MED21: variants seen among roughly 807,000 people sequenced by gnomAD.
MED21 encodes mediator complex subunit 21, also known as mediator of RNA polymerase II transcription subunit 21.
A neutral mutation model predicts 18.2 loss-of-function variants in MED21; 9 were observed. That is an observed-to-expected ratio of 0.49 (90% CI 0.30 to 0.86). MED21 has a LOEUF of 0.86. Ranked by LOEUF, MED21 falls within the 40% of genes least tolerant of loss-of-function variation. The pLI is 0.07. For synonymous variants in MED21, 73 were observed against 60.5 expected (o/e 1.21, Z -0.96); for missense variants, 150 against 170.9 (o/e 0.88, Z 0.68).
At chr12:27,028,046 G>A (rs539233862) in intron 3 of MED21, among the ~76,000 whole-genome samples, 8 of 152,276 alleles carry the variant, frequency 5.3e-5, no homozygotes, top group African/African-American at 1.9e-4. Flanking sequence ...TAGAATAATG[G>A]TGTCTAAACG....
At chr12:27,036,922 G>C (rs1255614829) in intron 2 of MED21, among the ~76,000 whole-genome samples, 1 of 152,160 alleles carries the variant, frequency 6.6e-6, no homozygotes, top group Admixed American at 6.5e-5. Flanking sequence ...GGAGATGTGG[G>C]TTCCTTTTTG....
In MED21 at chr12:27,029,375, T is replaced by G; in HGVS notation, c.*914T>G. The G allele has an allele frequency of 1.0e-6, 1 of 985,400 alleles. No homozygotes were observed. Among genetic ancestry groups the G allele is most frequent in the Non-Finnish European group, 1.2e-6 (1 of 829,886 alleles). 61.0% of individuals were successfully genotyped at this position (985,400 alleles called of 1,614,324 possible). On this transcript the variant is annotated 3_prime_UTR_variant, in exon 4 of 4. Transcript: ENST00000282892. Reference sequence around the variant, plus strand: ...TTTGTGTCAGCATTTTCAACTATGGTTATTCATCCAACCCTTGGATCTCTT... The same window carrying G: ...TTTGTGTCAGCATTTTCAACTATGGGTATTCATCCAACCCTTGGATCTCTT...
At chr12:27,031,561 A>G (rs998664852), downstream of MED21, among the ~76,000 whole-genome samples, 3 of 152,218 alleles carry the variant, frequency 2.0e-5, no homozygotes, top group Non-Finnish European at 4.4e-5. Context: ...TACCTTGGCA[A>G]TGGAAACATT....
Position 27,022,576 on chromosome 12 carries a change from G to T in MED21, c.-4G>T. On this transcript the variant is annotated 5_prime_UTR_variant, in exon 1 of 4. Transcript: ENST00000282892. ...TTTTGGCGTCTGTTTGCTGCGGTAG[G>T]AACATGGCGGATCGGCTCACGCAGC... is the stretch of plus-strand genomic sequence containing the variant. 1 of 1,559,758 alleles carries T rather than the reference G, an allele frequency of 6.4e-7. No homozygotes were observed. Among genetic ancestry groups the T allele is most frequent in the Non-Finnish European group, 8.7e-7 (1 of 1,147,174 alleles).
At chr12:27,023,243 A>C (rs1009637527) in intron 1 of MED21, among the ~76,000 whole-genome samples, 14 of 149,956 alleles carry the variant, frequency 9.3e-5, no homozygotes, top group Non-Finnish European at 1.9e-4. Flanking sequence ...CATCTTTATG[A>C]TAGGAAATCT....
chr12:27,027,313 T>G, intron 2 of MED21, 34 bp from the exon 3 acceptor site: 1 of 1,484,172 alleles, frequency 6.7e-7, no homozygotes, highest in Non-Finnish European at 9.2e-7. Flanking sequence ...CTTGAGGTTT[T>G]CTAATATCCT....
rs1941546647 is a variant in MED21 at position 27,026,513 on chromosome 12, C to T, written c.136C>T (p.Gln46Ter). Residue 46 changes from glutamine (Q) to a stop codon, truncating the protein, a stop_gained, in exon 2 of 4, where the codon CAG becomes TAG. Transcript: ENST00000282892. LOFTEE classifies it high-confidence loss of function. ...TATTCAGACAGCAATTAACAAAGAC[C>T]AGCCAGCTAACCCTACAGAAGGTAA... ...NNIQTAINKD[Q>*]PANPTEEYAQ... 6.2e-7 allele frequency: 1 copy of T among 1,613,238 alleles called. No homozygotes were observed.
Position 27,029,670 on chromosome 12 carries a change from A to G in MED21, c.*1209A>G. 6.1e-6 allele frequency: 6 copies of G among 985,474 alleles called. No individual in the cohort carries two copies. Among genetic ancestry groups the G allele is most frequent in the Non-Finnish European group, 7.2e-6 (6 of 829,940 alleles). The allele number at this position is 985,474 out of a possible 1,614,324, so 61.0% of individuals were successfully genotyped here. On this transcript the variant is annotated 3_prime_UTR_variant, in exon 4 of 4. Coordinates refer to ENST00000282892, the MANE Select transcript of MED21 (RefSeq NM_004264.5). The stretch of plus-strand genomic sequence containing the variant: ...AGCGTTAGCTGTAAAAGTTGCAGCA[A>G]TTTATTGGCTAGTCATAGAAAATTT...
At chr12:27,038,516 A>T (rs950394286) in intron 2 of MED21, 1 of 152,350 alleles carries the variant, frequency 6.6e-6, no homozygotes, top group Non-Finnish European at 1.5e-5. Context: ...TAAGATTCCA[A>T]TTGGGATTTC....
chr12:27,026,708 T>C (rs1941549810), intron 2 of MED21, among the ~76,000 whole-genome samples, 174 bp downstream of exon 2: 1 of 152,236 alleles, frequency 6.6e-6, no homozygotes, highest in African/African-American at 2.4e-5. Context: ...TAACATCTCA[T>C]AATTCTGGTT....
chr12:27,029,243 T>A lies in MED21; in HGVS notation c.*782T>A. On this transcript the variant is annotated 3_prime_UTR_variant, in exon 4 of 4. Coordinates refer to ENST00000282892, the MANE Select transcript of MED21 (RefSeq NM_004264.5). The stretch of plus-strand genomic sequence containing the variant: ...TTATCTGAAGGTTCTTTTGCCCTTA[T>A]TAACCTCTCAACTTTTATTGCTGTA... The A allele has an allele frequency of 1.0e-6, 1 of 985,408 alleles. No homozygotes were observed. Among genetic ancestry groups the A allele is most frequent in the Admixed American group, 6.1e-5 (1 of 16,288 alleles). 61.0% of individuals were successfully genotyped at this position (985,408 alleles called of 1,614,324 possible). A position where few individuals can be genotyped will look rare whatever the true frequency, so the allele number is the denominator to read the frequency against.
rs1455286191 is a variant in MED21 at position 27,029,193 on chromosome 12, T to A, written c.*732T>A. 1.1e-4 allele frequency: 107 copies of A among 985,304 alleles called. No individual in the cohort carries two copies. Among genetic ancestry groups the A allele is most frequent in the Non-Finnish European group, 1.3e-4 (105 of 829,910 alleles). The allele number at this position is 985,304 out of a possible 1,614,324, so 61.0% of individuals were successfully genotyped here. On this transcript the variant is annotated 3_prime_UTR_variant, in exon 4 of 4. Transcript: ENST00000282892. ...ATCACAATGAAGTATGTTTTTTGAA[T>A]CATCAATTCTTTCTCATTCTCCATT...
intron 2 of MED21, chr12:27,037,606 A>G (rs1205289286): frequency 6.6e-6 from 1 of 152,208 alleles, no homozygotes; most frequent in Non-Finnish European, 1.5e-5. Context: ...TAACAATTGC[A>G]TATATCACAA....
chr12:27,028,713 A>G lies in MED21; in HGVS notation c.*252A>G. On this transcript the variant is annotated 3_prime_UTR_variant, in exon 4 of 4. Coordinates refer to ENST00000282892, the MANE Select transcript of MED21 (RefSeq NM_004264.5). ...AAATTATTAAGGCATGTAATACATT[A>G]ATGAACATAATATAAGGAAACATAT... 2 of 1,131,764 alleles carry G rather than the reference A, an allele frequency of 1.8e-6. No homozygotes were observed. The highest frequency in any genetic ancestry group is 2.2e-6 in the Non-Finnish European group (2 of 919,096). 70.1% of individuals were successfully genotyped at this position (1,131,764 alleles called of 1,614,324 possible). A position where few individuals can be genotyped will look rare whatever the true frequency, so the allele number is the denominator to read the frequency against.
chr12:27,031,108 T>C (rs7957571), downstream of MED21, among the ~76,000 whole-genome samples: 61,054 of 151,920 alleles, frequency 0.4, 13,292 homozygotes, highest in East Asian at 0.87. Flanking sequence ...GGTTTCTCCA[T>C]GTTGGTCAGG....
rs1941484783 is a variant in MED21, at chr12:27,022,597, G to C, written c.18G>C (p.Thr6=). The C allele has an allele frequency of 1.3e-6, 2 of 1,578,978 alleles. No homozygotes were observed. The highest frequency in any genetic ancestry group is 1.1e-5 in the South Asian group (1 of 89,424). Residue 6 remains threonine (T), a synonymous_variant, in exon 1 of 4, where the codon ACG becomes ACC. Transcript: ENST00000282892. MADRL[T]QLQDAVNSLA... is the part of the protein sequence containing the mutation. ...GTAGGAACATGGCGGATCGGCTCAC[G>C]CAGCTTCAGGACGCTGTGAATTCGG...
At chr12:27,031,308 T>A (rs1029645355), downstream of MED21, among the ~76,000 whole-genome samples, 3 of 152,194 alleles carry the variant, frequency 2.0e-5, no homozygotes, top group African/African-American at 7.2e-5. Flanking sequence ...ATGATTTTTT[T>A]TAAAGCCTTA....
Position 27,030,646 on chromosome 12 carries a change from A to T in MED21, c.*2185A>T, listed in dbSNP as rs1471987101. 1 of 153,298 alleles carries T rather than the reference A, an allele frequency of 6.5e-6. No individual in the cohort carries two copies. Among genetic ancestry groups the T allele is most frequent in the African/African-American group, 2.4e-5 (1 of 41,518 alleles). 9.5% of individuals were successfully genotyped at this position (153,298 alleles called of 1,614,324 possible). On this transcript the variant is annotated 3_prime_UTR_variant, in exon 4 of 4. Transcript: ENST00000282892. ...AACTGGATAAGAAGCTGTGGCTTGT[A>T]ATTAAAAATAGACCTTTATTCACTA...
chr12:27,031,423 C>T (rs553035048), downstream of MED21, among the ~76,000 whole-genome samples: 1 of 152,142 alleles, frequency 6.6e-6, no homozygotes, highest in South Asian at 2.1e-4. Flanking sequence ...GATACCATTC[C>T]CTGTATACCA....
Sources: gnomAD v4.1 joint callset for allele counts (sites outside exome capture counted in the v4.1 genomes callset) on GRCh38, gnomAD v4.1.1 for gene constraint, MANE v1.5 for transcripts, NCBI Gene and HGNC (gene_info 2026-07-23, HGNC 2026-07-21) for gene names.